The following MLIP variants were observed in gnomAD, a reference collection of about 807,000 sequenced individuals.
MLIP encodes muscular LMNA-interacting protein.
MLIP carries 79 observed loss-of-function variants against 84.8 expected under a neutral mutation model. The observed-to-expected ratio is 0.93, with a 90% confidence interval of 0.78 to 1.12. The LOEUF is 1.12. MLIP is among the 50% of genes most tolerant of loss of function. MLIP has a pLI of 0.00. For missense variants in MLIP, 1,257 were observed against 1,160.6 expected, an observed-to-expected ratio of 1.08 and a Z score of -1.21; for synonymous variants, 504 against 463.0, an observed-to-expected ratio of 1.09 and a Z score of -1.14.
intron 1 of MLIP, among the ~76,000 whole-genome samples, chr6:54,098,788 T>G (rs1003670737): frequency 2.0e-5 from 3 of 152,178 alleles, no homozygotes; most frequent in Non-Finnish European, 4.4e-5. Context: ...GTGCCTACTA[T>G]GTGCCAAATA....
chr6:54,169,290 T>A (rs1021881246), intron 8 of MLIP, among the ~76,000 whole-genome samples: 2 of 151,634 alleles, frequency 1.3e-5, no homozygotes, highest in African/African-American at 4.8e-5. Flanking sequence ...ACTATTATGA[T>A]CCATGAGTTG....
intron 12 of MLIP, among the ~76,000 whole-genome samples, chr6:54,253,391 C>G (rs770944198): frequency 1.3e-5 from 2 of 152,064 alleles, no homozygotes; most frequent in Admixed American, 6.6e-5. Context: ...GAAGTGAATT[C>G]TGGATGGAAT....
chr6:54,216,941 T>C (rs758358713), intron 11 of MLIP: 1 of 985,314 alleles, frequency 1.0e-6, no homozygotes, highest in African/African-American at 1.7e-5. Context: ...ATATTACTAC[T>C]GTTCATGATT....
chr6:54,200,910 A>G (rs1186401905), intron 10 of MLIP, among the ~76,000 whole-genome samples: 2 of 152,188 alleles, frequency 1.3e-5, no homozygotes, highest in Admixed American at 6.5e-5. Context: ...GAGCAGAGAG[A>G]TAGATGTAGT....
intron 11 of MLIP, among the ~76,000 whole-genome samples, chr6:54,210,098 G>C: frequency 6.6e-6 from 1 of 152,268 alleles, no homozygotes; most frequent in Non-Finnish European, 1.5e-5. Flanking sequence ...ATTGTGACTG[G>C]CCTCAGGAAT....
chr6:54,049,272 A>G (rs1189976931), intron 1 of MLIP, among the ~76,000 whole-genome samples: 4 of 152,168 alleles, frequency 2.6e-5, no homozygotes, highest in Non-Finnish European at 5.9e-5. Context: ...CTTCCAACAT[A>G]CAGTAATGGC....
chr6:54,078,983 G>A (rs111537158), intron 1 of MLIP, among the ~76,000 whole-genome samples: 1,600 of 152,090 alleles, frequency 0.011, 29 homozygotes, highest in African/African-American at 0.037. Context: ...GAACCACCGC[G>A]CCCGGCCCAA....
Position 54,137,500 on chromosome 6 carries a change from T to C in MLIP, c.1431T>C (p.Asp477=), listed in dbSNP as rs150812786. 1.3e-6 allele frequency: 2 copies of C among 1,536,074 alleles called. No homozygotes were observed. The highest frequency in any genetic ancestry group is 2.4e-5 in the East Asian group (1 of 40,908). ...GTTCCCTGAGAGCCGGGTCACCAGA[T>C]CAAGGGGAACTCCAGGTTTCTGAAT... ...SSCSLRAGSP[D]QGELQVSELT... Residue 477 remains aspartate, a synonymous_variant, in exon 4 of 14, where the codon GAT becomes GAC. Coordinates refer to ENST00000502396, the MANE Select transcript of MLIP (RefSeq NM_001281747.2).
At chr6:54,074,162 T>C (rs536730979) in intron 1 of MLIP, among the ~76,000 whole-genome samples, 3 of 152,370 alleles carry the variant, frequency 2.0e-5, no homozygotes, top group South Asian at 4.1e-4. Context: ...TGTGTTTTTT[T>C]TGAAGCACTA....
chr6:54,247,452 A>G (rs1051775530), intron 12 of MLIP, among the ~76,000 whole-genome samples: 3 of 152,176 alleles, frequency 2.0e-5, no homozygotes, highest in African/African-American at 7.2e-5. Context: ...AATGGCCACA[A>G]TCTAAGACCA....
chr6:54,221,448 A>G (rs944612033), intron 11 of MLIP, among the ~76,000 whole-genome samples: 3 of 152,142 alleles, frequency 2.0e-5, no homozygotes, highest in African/African-American at 7.2e-5. Context: ...TATTCCAGGT[A>G]CCTACCACAA....
intron 1 of MLIP, among the ~76,000 whole-genome samples, chr6:54,020,256 G>C (rs971164937): frequency 3.9e-5 from 6 of 152,138 alleles, no homozygotes; most frequent in Non-Finnish European, 8.8e-5. Flanking sequence ...TAATCTGAAG[G>C]CTTTTGTGAA....
chr6:54,197,389 CTA>C (rs1302718135), intron 10 of MLIP, among the ~76,000 whole-genome samples: 1 of 152,016 alleles, frequency 6.6e-6, no homozygotes, highest in Non-Finnish European at 1.5e-5. Context: ...TCTATAGACA[CTA>C]TAGTTCCTGA....
intron 13 of MLIP, among the ~76,000 whole-genome samples, chr6:54,257,805 C>T (rs914918637): frequency 2.6e-5 from 4 of 152,052 alleles, no homozygotes; most frequent in African/African-American, 9.7e-5. Context: ...CCCCCAACCC[C>T]ACCTTCCCCA....
In MLIP at chr6:54,265,892, G is replaced by A. The variant is rs116257725; in HGVS notation, c.2977-58G>A. The A allele has an allele frequency of 2.9e-3, 4,282 of 1,490,780 alleles. 97 individuals carry two copies. In the African/African-American group the frequency reaches 0.05, roughly 17 times the overall value. 92.3% of individuals were successfully genotyped at this position (1,490,780 alleles called of 1,614,324 possible). On this transcript the variant is annotated intron_variant, in intron 13 of 13. Coordinates refer to ENST00000502396, the MANE Select transcript of MLIP (RefSeq NM_001281747.2). The stretch of plus-strand genomic sequence containing the variant: ...CCAAATATTAATGTATAATTTTCAG[G>A]TGTATATTTTTAAATTTATTCATCT...
At chr6:54,259,749 A>G (rs959996339) in intron 13 of MLIP, among the ~76,000 whole-genome samples, 1 of 151,904 alleles carries the variant, frequency 6.6e-6, no homozygotes, top group Non-Finnish European at 1.5e-5. Flanking sequence ...TAAATAATTA[A>G]GGAAAAGGCC....
At chr6:54,258,214 G>T (rs1282821872) in intron 13 of MLIP, among the ~76,000 whole-genome samples, 2 of 151,994 alleles carry the variant, frequency 1.3e-5, no homozygotes, top group African/African-American at 4.8e-5. Context: ...AGTTTAGGAA[G>T]AAACAAGCAT....
intron 11 of MLIP, among the ~76,000 whole-genome samples, chr6:54,222,638 C>G (rs915770231): frequency 6.6e-6 from 1 of 152,016 alleles, no homozygotes; most frequent in Non-Finnish European, 1.5e-5. Context: ...CAATACACAT[C>G]TAGTTTATTC....
rs1255779994 is a variant in MLIP at position 54,067,054 on chromosome 6, A to C, written c.63+47963A>C. On this transcript the variant is annotated intron_variant, in intron 1 of 12. Coordinates refer to the MLIP transcript ENST00000274897. ...AAATTATGTAAGCTTTTCTGCCTTT[A>C]TCAGTTGCATTGACACATGAAAATA... 1.2e-4 allele frequency among the ~76,000 whole-genome samples: 12 copies of C among 100,744 alleles called. 3 individuals are homozygous for C. Among genetic ancestry groups the C allele is most frequent in the African/African-American group, 2.5e-4 (10 of 39,328 alleles). The allele number at this position is 100,744 out of a possible 152,430, so 66.1% of individuals were successfully genotyped here.
Sources: allele counts gnomAD v4.1 joint callset (sites outside exome capture counted in the v4.1 genomes callset), GRCh38; gene constraint gnomAD v4.1.1; transcripts MANE v1.5; gene names NCBI Gene and HGNC (gene_info 2026-07-23, HGNC 2026-07-21).